SMARCC1: variants seen among roughly 807,000 people sequenced by gnomAD.
The protein encoded by SMARCC1 is SWI/SNF related BAF chromatin remodeling complex subunit C1.
Under a neutral mutation model 147.4 loss-of-function variants are expected in SMARCC1, and 43 were observed. That is an observed-to-expected ratio of 0.29 (90% CI 0.23 to 0.38). The LOEUF is 0.38. Among genes scored for constraint, SMARCC1 ranks in the 10% least tolerant of loss-of-function variants. The probability of loss-of-function intolerance (pLI) is 1.00; values close to 1 mark genes in which losing one functional copy is unlikely to be tolerated. For synonymous variants in SMARCC1, 495 were observed against 484.4 expected (o/e 1.02, Z -0.29); for missense variants, 1,119 against 1,381.1 (o/e 0.81, Z 3.01).
intron 2 of SMARCC1, among the ~76,000 whole-genome samples, chr3:47,765,894 G>A (rs1392092141): frequency 2.0e-5 from 3 of 151,848 alleles, no homozygotes; most frequent in Non-Finnish European, 2.9e-5. Context: ...CACCACACCC[G>A]GGTAATTTTT....
At chr3:47,680,749 G>A (rs1159097452) in intron 14 of SMARCC1, among the ~76,000 whole-genome samples, 2 of 151,600 alleles carry the variant, frequency 1.3e-5, no homozygotes, top group African/African-American at 4.8e-5. Flanking sequence ...GGGTTTCACT[G>A]TTTTAGCTGG....
chr3:47,661,266 C>T (rs1180233522), intron 21 of SMARCC1, 28 bp downstream of exon 21: 1 of 1,583,254 alleles, frequency 6.3e-7, no homozygotes, highest in South Asian at 1.2e-5. Context: ...TATATTAACC[C>T]TGTCCCTTAA....
chr3:47,728,082 T>TG (rs1159217731), intron 6 of SMARCC1, among the ~76,000 whole-genome samples: 2 of 116,134 alleles, frequency 1.7e-5, no homozygotes, highest in African/African-American at 6.8e-5. Context: ...TAGTCCCTTT[T>TG]TTTTTTTTTT....
intron 25 of SMARCC1, among the ~76,000 whole-genome samples, chr3:47,613,522 G>T (rs1317754656): frequency 6.6e-6 from 1 of 151,680 alleles, no homozygotes; most frequent in Non-Finnish European, 1.5e-5. Flanking sequence ...ACCACGCCCA[G>T]CTAATTTTTG....
At chr3:47,743,227 A>G (rs921173601) in intron 3 of SMARCC1, among the ~76,000 whole-genome samples, 1 of 152,212 alleles carries the variant, frequency 6.6e-6, no homozygotes, top group African/African-American at 2.4e-5. Context: ...AGTTACTAAA[A>G]TATGCACTCA....
chr3:47,668,331 C>T (rs557793476), intron 19 of SMARCC1, among the ~76,000 whole-genome samples: 30 of 152,302 alleles, frequency 2.0e-4, no homozygotes, highest in Admixed American at 3.3e-4. Flanking sequence ...AACAGGCCAT[C>T]ATCATCTTGA....
At chr3:47,707,259 T>C (rs935147572) in intron 9 of SMARCC1, among the ~76,000 whole-genome samples, 15 of 150,576 alleles carry the variant, frequency 1.0e-4, no homozygotes, top group Non-Finnish European at 4.4e-5. Flanking sequence ...TTGCACTGAA[T>C]CATGATCATG....
chr3:47,759,830 G>A (rs1453545302), intron 2 of SMARCC1, among the ~76,000 whole-genome samples: 2 of 151,736 alleles, frequency 1.3e-5, no homozygotes, highest in African/African-American at 2.4e-5. Context: ...CCAGCTACTC[G>A]GGAGGCTGAC....
intron 10 of SMARCC1, among the ~76,000 whole-genome samples, chr3:47,704,630 A>T (rs139039080): frequency 1.3e-5 from 2 of 152,190 alleles, no homozygotes; most frequent in African/African-American, 4.8e-5. Flanking sequence ...GAAATGTAAG[A>T]AACAGGCCAG....
intron 3 of SMARCC1, among the ~76,000 whole-genome samples, chr3:47,743,658 C>A (rs983028579): frequency 6.6e-6 from 1 of 151,688 alleles, no homozygotes; most frequent in Non-Finnish European, 1.5e-5. Context: ...ACTAAAAATA[C>A]AAAAATTAGC....
intron 25 of SMARCC1, among the ~76,000 whole-genome samples, chr3:47,615,588 T>C (rs2032629694): frequency 6.6e-6 from 1 of 152,214 alleles, no homozygotes; most frequent in Non-Finnish European, 1.5e-5. Flanking sequence ...GTCTCATCCA[T>C]CCTTTAACTT....
chr3:47,766,397 C>T (rs2106868398), intron 2 of SMARCC1, among the ~76,000 whole-genome samples: 1 of 150,846 alleles, frequency 6.6e-6, no homozygotes, highest in South Asian at 2.1e-4. Context: ...AAAACCCTGT[C>T]TCTACAAAAA....
intron 2 of SMARCC1, among the ~76,000 whole-genome samples, chr3:47,757,391 A>C (rs2034712571): frequency 6.6e-6 from 1 of 152,210 alleles, no homozygotes; most frequent in South Asian, 2.1e-4. Context: ...AATTATTAGC[A>C]ACTAGAAAAT....
chr3:47,590,932 C>A, intron 26 of SMARCC1, 95 bp from the exon 27 acceptor site: 2 of 1,009,782 alleles, frequency 2.0e-6, no homozygotes, highest in Non-Finnish European at 3.0e-6. Flanking sequence ...AATATCCAAC[C>A]TTCCAAAGGA....
intron 22 of SMARCC1, among the ~76,000 whole-genome samples, chr3:47,636,349 T>A (rs1187882522): frequency 3.9e-5 from 6 of 152,226 alleles, no homozygotes; most frequent in African/African-American, 1.4e-4. Context: ...CACAAGATGT[T>A]CCTCCAAAGC....
chr3:47,626,865 C>G (rs938236295), intron 24 of SMARCC1, among the ~76,000 whole-genome samples: 2 of 152,132 alleles, frequency 1.3e-5, no homozygotes, highest in Non-Finnish European at 2.9e-5. Flanking sequence ...GGAAAGACCA[C>G]AAGGGGAAAT....
intron 18 of SMARCC1, among the ~76,000 whole-genome samples, chr3:47,673,277 C>T (rs1018511305): frequency 6.6e-6 from 1 of 151,130 alleles, no homozygotes; most frequent in Admixed American, 6.6e-5. Flanking sequence ...GTAATCCCAC[C>T]ACTTTGGGAG....
chr3:47,705,978 C>T (rs2033988191), intron 10 of SMARCC1, among the ~76,000 whole-genome samples: 1 of 152,074 alleles, frequency 6.6e-6, no homozygotes. Flanking sequence ...CTGAACCAGG[C>T]GTTGTACTGC....
chr3:47,689,265 T>C, intron 13 of SMARCC1, 122 bp downstream of exon 13: 2 of 725,508 alleles, frequency 2.8e-6, no homozygotes, highest in Non-Finnish European at 4.7e-6. Context: ...CAAAAAAAAA[T>C]TCAAAAACCA....
Sources: gnomAD v4.1 joint callset for allele counts (sites outside exome capture counted in the v4.1 genomes callset) on GRCh38, gnomAD v4.1.1 for gene constraint, MANE v1.5 for transcripts, NCBI Gene and HGNC (gene_info 2026-07-23, HGNC 2026-07-21) for gene names.